The following LAMTOR5 variants were observed in gnomAD, a reference collection of about 807,000 sequenced individuals.
LAMTOR5 encodes the protein late endosomal/lysosomal adaptor, MAPK and MTOR activator 5.
In LAMTOR5, 8 loss-of-function variants were observed where a neutral mutation model predicts 12.1. The observed-to-expected ratio is 0.66, with a 90% CI of 0.39 to 1.19. The LOEUF (loss-of-function observed/expected upper bound fraction) is 1.19, where lower values mean the gene tolerates loss of function less well. Ranked by LOEUF, LAMTOR5 falls within the 50% of genes most tolerant of loss-of-function variation. The pLI, the probability that LAMTOR5 is intolerant of heterozygous loss-of-function variation, is 0.01. For missense variants in LAMTOR5, 110 were observed against 112.8 expected, an observed-to-expected ratio of 0.97 and a Z score of 0.11; for synonymous variants, 37 against 41.9, an observed-to-expected ratio of 0.88 and a Z score of 0.45.
At chr1:110,402,364 C>A (rs1017060859) in intron 3 of LAMTOR5, among the ~76,000 whole-genome samples, 2 of 152,112 alleles carry the variant, frequency 1.3e-5, no homozygotes, top group African/African-American at 4.8e-5. Context: ...AATTCTCCTG[C>A]CTCAGCCTCC....
At chr1:110,402,506 AAAGTGCTGGGATTAC>A (rs1231350261) in intron 3 of LAMTOR5, among the ~76,000 whole-genome samples, 1 of 152,182 alleles carries the variant, frequency 6.6e-6, no homozygotes, top group Non-Finnish European at 1.5e-5. Context: ...TTGGCCTCCC[AAAGTGCTGGGATTAC>A]AAGTGTGAGC....
In LAMTOR5 at chr1:110,406,314, T is replaced by A. The variant is rs572065236; in HGVS notation, c.97+4A>T. Reference sequence around the variant, plus strand: ...ATCAAATAGTTGGTATGAGAGATACTTACAACCCAGATTAAGTCCTTGTGA... The same window carrying A: ...ATCAAATAGTTGGTATGAGAGATACATACAACCCAGATTAAGTCCTTGTGA... On this transcript the variant is annotated splice_donor_region_variant and intron_variant, in intron 2 of 3. Coordinates refer to ENST00000602318, the MANE Select transcript of LAMTOR5 (RefSeq NM_001382293.1). 3.1e-5 allele frequency: 50 copies of A among 1,595,532 alleles called. No individual in the cohort carries two copies. The highest frequency in any genetic ancestry group is 1.7e-4 in the Middle Eastern group (1 of 5,962).
At chr1:110,401,666 T>C in intron 3 of LAMTOR5, 83 bp from the exon 4 acceptor site, 1 of 1,394,176 alleles carries the variant, frequency 7.2e-7, no homozygotes, top group Non-Finnish European at 1.0e-6. Context: ...TGCTTTAGGA[T>C]ACAATATTTA....
intron 2 of LAMTOR5, among the ~76,000 whole-genome samples, chr1:110,404,819 G>A (rs1237281685): frequency 6.6e-6 from 1 of 152,062 alleles, no homozygotes; most frequent in African/African-American, 2.4e-5. Flanking sequence ...AGGCGGAGGT[G>A]GGTGGATCAC....
In LAMTOR5 at chr1:110,404,057, A is replaced by G. The variant is rs1277304596; in HGVS notation, c.98-21T>C. 7 of 1,611,262 alleles carry G rather than the reference A, an allele frequency of 4.3e-6. No individual in the cohort carries two copies. The Admixed American group carries it at 1.0e-4, about 23-fold the overall frequency. ...GCGGCCTGGAAAATAGAGATGATAT[A>G]TGTCACCTGATTGCTCATAGAGTAT... On this transcript the variant is annotated intron_variant, in intron 2 of 3. Transcript: ENST00000602318.
rs1258799714 is a variant in LAMTOR5, at chr1:110,406,410, AC to A, written c.36-32del. 33 of 1,501,234 alleles carry A rather than the reference AC, an allele frequency of 2.2e-5. 1 individual carries two copies. Among genetic ancestry groups the A allele is most frequent in the Middle Eastern group, 3.4e-4 (2 of 5,844 alleles). The allele number at this position is 1,501,234 out of a possible 1,614,324, so 93.0% of individuals were successfully genotyped here. ...TCCAGGAACACAAGAGAGTTGAAGTACATAATGGGAGAAAAAGGATTTAAAT... is the reference window on the plus strand; with the variant it reads ...TCCAGGAACACAAGAGAGTTGAAGTAATAATGGGAGAAAAAGGATTTAAAT... On this transcript the variant is annotated intron_variant, in intron 1 of 3. Transcript: ENST00000602318.
intron 1 of LAMTOR5, 40 bp downstream of exon 1, chr1:110,407,546 C>A: frequency 6.3e-7 from 1 of 1,595,736 alleles, no homozygotes; most frequent in South Asian, 1.1e-5. Context: ...GTTCCTCCGC[C>A]GCGACCTCAG....
Position 110,407,691 on chromosome 1 carries a change from A to T in LAMTOR5, c.-71T>A, listed in dbSNP as rs201221603. The T allele has an allele frequency of 2.5e-6, 4 of 1,614,188 alleles. No homozygotes were observed. Among genetic ancestry groups the T allele is most frequent in the Non-Finnish European group, 3.4e-6 (4 of 1,180,030 alleles). On this transcript the variant is annotated 5_prime_UTR_variant, in exon 1 of 4. Transcript: ENST00000602318. ...TCCTTCTCCACCACAGGCCTCAGTC[A>T]CTTGACGCGAGCGGGGCGTGGACCG...
upstream of LAMTOR5, chr1:110,407,746 T>A: frequency 6.2e-7 from 1 of 1,614,106 alleles, no homozygotes; most frequent in Non-Finnish European, 8.5e-7. Context: ...ACAAAATTGA[T>A]CACGGTGCAA....
chr1:110,407,861 C>A, upstream of LAMTOR5: 1 of 1,612,786 alleles, frequency 6.2e-7, no homozygotes, highest in Non-Finnish European at 8.5e-7. Flanking sequence ...CTGCACCTGG[C>A]TCCATGGCGG....
At chr1:110,406,464 AC>A in intron 1 of LAMTOR5, 85 bp from the exon 2 acceptor site, 1 of 858,926 alleles carries the variant, frequency 1.2e-6, no homozygotes. Flanking sequence ...TGTTCTATGT[AC>A]CAGGCATTAA....
Position 110,401,358 on chromosome 1 carries a change from G to A in LAMTOR5, c.*165C>T, listed in dbSNP as rs1219931073. The A allele has an allele frequency of 3.8e-6, 2 of 525,632 alleles. No homozygotes were observed. Among genetic ancestry groups the A allele is most frequent in the South Asian group, 5.0e-5 (1 of 19,814 alleles). The allele number at this position is 525,632 out of a possible 1,614,324, so 32.6% of individuals were successfully genotyped here. On this transcript the variant is annotated 3_prime_UTR_variant, in exon 4 of 4. Coordinates refer to ENST00000602318, the MANE Select transcript of LAMTOR5 (RefSeq NM_001382293.1). Reference sequence around the variant, plus strand: ...CTTTCTTACTAATATCTTGATAGTCGGTCCATAGAGCATTAGAAAGCAATT... The same window carrying A: ...CTTTCTTACTAATATCTTGATAGTCAGTCCATAGAGCATTAGAAAGCAATT...
chr1:110,404,137 T>G, intron 2 of LAMTOR5, 101 bp from the exon 3 acceptor site: 1 of 1,512,598 alleles, frequency 6.6e-7, no homozygotes, highest in Admixed American at 2.1e-5. Context: ...ATTGTCTTTT[T>G]ATTAATGTCT....
chr1:110,404,399 G>C (rs1472586342), intron 2 of LAMTOR5, among the ~76,000 whole-genome samples: 2 of 152,196 alleles, frequency 1.3e-5, no homozygotes, highest in Non-Finnish European at 2.9e-5. Flanking sequence ...AAGGTTTCTT[G>C]AAGGAACTCA....
chr1:110,407,247 G>T lies in LAMTOR5; in HGVS notation c.35+339C>A, dbSNP rs117655826. 685 of 577,486 alleles carry T rather than the reference G, an allele frequency of 1.2e-3. 9 individuals carry two copies. In the East Asian group the frequency reaches 0.017, roughly 14 times the overall value. The allele number at this position is 577,486 out of a possible 1,614,324, so 35.8% of individuals were successfully genotyped here. On this transcript the variant is annotated intron_variant, in intron 1 of 3. Coordinates refer to ENST00000602318, the MANE Select transcript of LAMTOR5 (RefSeq NM_001382293.1). ...TGCAGGGCTCGACACTGCACAACTGGCACAATCTTCCCAAAAGTCAACCCG... is the reference window on the plus strand; with the variant it reads ...TGCAGGGCTCGACACTGCACAACTGTCACAATCTTCCCAAAAGTCAACCCG...
chr1:110,403,781 C>T, intron 3 of LAMTOR5, 138 bp downstream of exon 3: 8 of 1,349,264 alleles, frequency 5.9e-6, no homozygotes, highest in Non-Finnish European at 7.9e-6. Context: ...CTTGTCTGTT[C>T]CTGTGATTCA....
At chr1:110,402,946 T>C (rs1663257281) in intron 3 of LAMTOR5, among the ~76,000 whole-genome samples, 1 of 152,228 alleles carries the variant, frequency 6.6e-6, no homozygotes, top group Admixed American at 6.5e-5. Flanking sequence ...AAGTGCCCTA[T>C]TCAGATATAC....
intron 1 of LAMTOR5, chr1:110,407,370 C>G: frequency 1.6e-6 from 1 of 642,720 alleles, no homozygotes; most frequent in Non-Finnish European, 2.6e-6. Context: ...GAGACTCGCT[C>G]AAGAGGGAAT....
intron 2 of LAMTOR5, 96 bp from the exon 3 acceptor site, chr1:110,404,132 CTT>C: frequency 6.6e-7 from 1 of 1,525,472 alleles, no homozygotes; most frequent in Non-Finnish European, 8.8e-7. Context: ...ACAGAATTGT[CTT>C]TTTATTAATG....
Sources: gnomAD v4.1 joint callset for allele counts (sites outside exome capture counted in the v4.1 genomes callset) on GRCh38, gnomAD v4.1.1 for gene constraint, MANE v1.5 for transcripts, NCBI Gene and HGNC (gene_info 2026-07-23, HGNC 2026-07-21) for gene names.